The following SETDB1 variants were observed in gnomAD, a reference collection of about 807,000 sequenced individuals.
The protein encoded by SETDB1 is histone-lysine N-methyltransferase SETDB1.
SETDB1 carries 31 observed loss-of-function variants against 137.4 expected under a neutral mutation model. The ratio of observed to expected loss-of-function variants is 0.23; its 90% CI spans 0.17 to 0.30. The LOEUF is 0.30. Among genes scored for constraint, SETDB1 ranks in the 10% least tolerant of loss-of-function variants. The pLI is 1.00. For synonymous variants in SETDB1, 548 were observed against 579.9 expected, an observed-to-expected ratio of 0.95 and a Z score of 0.79; for missense variants, 1,113 against 1,631.5, an observed-to-expected ratio of 0.68 and a Z score of 5.47.
intron 3 of SETDB1, among the ~76,000 whole-genome samples, chr1:150,933,366 G>GTTTTTTTTT (rs1571626032): frequency 6.0e-5 from 5 of 82,878 alleles, no homozygotes; most frequent in Admixed American, 2.8e-4. Flanking sequence ...GGCCTATTTT[G>GTTTTTTTTT]TCTTTTTTTT....
chr1:150,961,792 C>A, intron 16 of SETDB1: 1 of 300,258 alleles, frequency 3.3e-6, no homozygotes, highest in Non-Finnish European at 6.2e-6. Context: ...TCATTGTTTC[C>A]TTCTACTAAA....
chr1:150,961,025 A>G lies in SETDB1; in HGVS notation c.2966A>G (p.Asn989Ser), dbSNP rs771519749. Reference protein sequence around the residue: ...KNKVASWLSCNSVSEGGFADS... With the variant: ...KNKVASWLSCSSVSEGGFADS... ...AAGGTGGCCTCATGGTTGAGCTGCA[A>G]TAGTGTCAGTGAAGGTGGTTTTGCT... The change falls in exon 16 of 22, where the codon AAT (asparagine) becomes AGT (serine). Residue 989 changes from asparagine to serine, a missense_variant. Asn to Ser is a conservative substitution (Grantham distance 46, BLOSUM62 1). Around this residue, in one of 11 missense-constraint regions of SETDB1, gnomAD observed 373 missense variants for 412.7 expected, o/e 0.90. Coordinates refer to ENST00000692827, the MANE Select transcript of SETDB1 (RefSeq NM_001366418.1). 1.3e-4 allele frequency: 208 copies of G among 1,607,704 alleles called. 1 individual carries two copies. Among genetic ancestry groups the G allele is most frequent in the Non-Finnish European group, 1.7e-4 (200 of 1,176,534 alleles).
At chr1:150,942,139 CAA>C (rs940063526) in intron 5 of SETDB1, among the ~76,000 whole-genome samples, 17 of 85,982 alleles carry the variant, frequency 2.0e-4, no homozygotes, top group African/African-American at 1.8e-4. Flanking sequence ...GACTCCATCT[CAA>C]AAAAAAAAAA....
chr1:150,958,551 G>C (rs1458073736), intron 14 of SETDB1, among the ~76,000 whole-genome samples: 1 of 148,472 alleles, frequency 6.7e-6, no homozygotes, highest in Non-Finnish European at 1.5e-5. Flanking sequence ...CGCCCAGCAC[G>C]ATCTTTTTCA....
At chr1:150,940,051 C>A in intron 4 of SETDB1, 77 bp downstream of exon 4, 1 of 1,049,832 alleles carries the variant, frequency 9.5e-7, no homozygotes, top group South Asian at 1.3e-5. Context: ...ACCATTTAAT[C>A]AGTTTAGCTG....
rs141012231 is a variant in SETDB1, at chr1:150,951,332, C to T, written c.2217-33C>T. 3.8e-5 allele frequency: 55 copies of T among 1,457,650 alleles called. No individual in the cohort carries two copies. In the East Asian group the frequency reaches 7.0e-4, roughly 19 times the overall value. 90.3% of individuals were successfully genotyped at this position (1,457,650 alleles called of 1,614,324 possible). On this transcript the variant is annotated intron_variant, in intron 13 of 21. Transcript: ENST00000692827. ...TGTTATTTTTGTTCTCTGATCCCCC[C>T]GCTCCTTTCCTTTATTTCCCTCTGT... is the stretch of plus-strand genomic sequence containing the variant.
chr1:150,930,297 A>G (rs1287922641), intron 3 of SETDB1, 179 bp downstream of exon 3: 4 of 555,288 alleles, frequency 7.2e-6, no homozygotes, highest in East Asian at 6.1e-5. Context: ...GATGTTCCCT[A>G]TGTGCTACAC....
At chr1:150,956,117 G>C (rs1295129693) in intron 14 of SETDB1, among the ~76,000 whole-genome samples, 1 of 134,500 alleles carries the variant, frequency 7.4e-6, no homozygotes, top group Non-Finnish European at 1.6e-5. Context: ...GCCAAGCGCA[G>C]TGGCTCACGC....
chr1:150,943,389 T>G (rs1272858588), intron 7 of SETDB1, among the ~76,000 whole-genome samples: 3 of 152,140 alleles, frequency 2.0e-5, no homozygotes, highest in Non-Finnish European at 4.4e-5. Flanking sequence ...AGAATATATG[T>G]TTTTTGGCCG....
rs587775797 is a variant in SETDB1 at position 150,938,651 on chromosome 1, G to A, written c.413-1289G>A. 1.1e-4 allele frequency among the ~76,000 whole-genome samples: 17 copies of A among 151,486 alleles called. No individual in the cohort carries two copies. The South Asian group carries it at 1.5e-3, about 13-fold the overall frequency. On this transcript the variant is annotated intron_variant, in intron 3 of 21. Coordinates refer to ENST00000692827, the MANE Select transcript of SETDB1 (RefSeq NM_001366418.1). ...CCCGAGTAGCTGGGATAACAGGCAC[G>A]TGCCACCATGCCCAGCTAATTTTTG...
chr1:150,947,338 T>A (rs1670360528), intron 10 of SETDB1, among the ~76,000 whole-genome samples: 1 of 152,086 alleles, frequency 6.6e-6, no homozygotes, highest in African/African-American at 2.4e-5. Context: ...CTTTTTTTTT[T>A]AAATAGACCC....
At chr1:150,928,179 T>A in intron 2 of SETDB1, 1 of 569,190 alleles carries the variant, frequency 1.8e-6, no homozygotes, top group East Asian at 3.0e-5. Context: ...CACCTCCCCC[T>A]CCCGAGTAGC....
At chr1:150,942,722 G>A (rs757125677) in intron 6 of SETDB1, 34 bp downstream of exon 6, 1 of 1,605,372 alleles carries the variant, frequency 6.2e-7, no homozygotes, top group Admixed American at 1.7e-5. Flanking sequence ...ACTCCTGAAA[G>A]GCAACCTGCA....
Position 150,960,883 on chromosome 1 carries a change from G to C in SETDB1, c.2824G>C (p.Glu942Gln), listed in dbSNP as rs1670795477. The C allele has an allele frequency of 1.2e-6, 2 of 1,611,464 alleles. No homozygotes were observed. The highest frequency in any genetic ancestry group is 8.5e-7 in the Non-Finnish European group (1 of 1,178,504). ...GGGCCAGAAAGAGAACGGACTCTCTGAGACAACTTCCAAGGACTCCCACCC... is the reference window on the plus strand; with the variant it reads ...GGGCCAGAAAGAGAACGGACTCTCTCAGACAACTTCCAAGGACTCCCACCC... ...TRGQKENGLS[E>Q]TTSKDSHPPD... The change falls in exon 16 of 22, where the codon GAG (glutamate) becomes CAG (glutamine). Residue 942 changes from glutamate to glutamine, a missense_variant. By Grantham distance (29) the Glu-to-Gln change is conservative (BLOSUM62 2). Coordinates refer to ENST00000692827, the MANE Select transcript of SETDB1 (RefSeq NM_001366418.1).
chr1:150,955,953 G>A (rs755032445), intron 14 of SETDB1, among the ~76,000 whole-genome samples: 25 of 152,114 alleles, frequency 1.6e-4, no homozygotes, highest in East Asian at 5.8e-4. Context: ...TTAGCCAGGC[G>A]TGGTGGCACA....
rs1670910213 is a variant in SETDB1, at chr1:150,964,004, A to G, written c.3682A>G (p.Ser1228Gly). Residue 1228 changes from serine (S) to glycine (G), a missense_variant, in exon 21 of 22, where the codon AGC becomes GGC. This residue lies in a region of SETDB1 where 37 missense variants were observed against 123.2 expected (regional missense o/e 0.30). Transcript: ENST00000692827. ...NLGRYLNHSC[S>G]PNLFVQNVFV... is the part of the protein sequence containing the mutation. ...GTCCTTAAACCTACAGCACAGTTGC[A>G]GCCCCAACCTGTTTGTCCAGAATGT... The G allele has an allele frequency of 2.5e-6, 4 of 1,614,100 alleles. No individual in the cohort carries two copies. The highest frequency in any genetic ancestry group is 3.4e-6 in the Non-Finnish European group (4 of 1,179,960).
intron 14 of SETDB1, among the ~76,000 whole-genome samples, chr1:150,953,752 C>A (rs587693321): frequency 6.6e-6 from 1 of 152,098 alleles, no homozygotes; most frequent in African/African-American, 2.4e-5. Context: ...TCGCTTGAAG[C>A]TGGGAGGCAG....
intron 4 of SETDB1, among the ~76,000 whole-genome samples, chr1:150,940,530 C>T (rs1490995555): frequency 8.0e-5 from 12 of 149,438 alleles, no homozygotes; most frequent in African/African-American, 1.7e-4. Flanking sequence ...ATCGCACCAC[C>T]GCACTCTAGC....
chr1:150,957,711 C>A (rs965345073), intron 14 of SETDB1, among the ~76,000 whole-genome samples: 3 of 151,882 alleles, frequency 2.0e-5, no homozygotes, highest in Non-Finnish European at 4.4e-5. Context: ...AAATTTTTTT[C>A]TTTTTCAGAG....
Sources: allele counts gnomAD v4.1 joint callset (sites outside exome capture counted in the v4.1 genomes callset), GRCh38; gene constraint gnomAD v4.1.1; regional missense constraint gnomAD v4.1.1; transcripts MANE v1.5; gene names NCBI Gene and HGNC (gene_info 2026-07-23, HGNC 2026-07-21).